ACYP2: variants seen among roughly 807,000 people sequenced by gnomAD.
The protein encoded by ACYP2 is acylphosphatase 2, also known as acylphosphatase-2.
ACYP2 carries 12 observed loss-of-function variants against 11.2 expected under a neutral mutation model. That is an observed-to-expected ratio of 1.08 (90% CI 0.69 to 1.74). The LOEUF (loss-of-function observed/expected upper bound fraction) is 1.74. ACYP2 is among the 40% of genes most tolerant of loss of function. The probability of loss-of-function intolerance (pLI) is 0.00; values close to 1 mark genes in which losing one functional copy is unlikely to be tolerated. For missense variants in ACYP2, 134 were observed against 101.9 expected (o/e 1.31, Z -1.35); for synonymous variants, 43 against 32.2 (o/e 1.33, Z -1.13).
At chr2:54,007,138 C>CAAAAAAAAAAAAAAAAAAAAAAAAA (rs70944145) in intron 2 of ACYP2, among the ~76,000 whole-genome samples, 2 of 52,206 alleles carry the variant, frequency 3.8e-5, no homozygotes, top group Non-Finnish European at 3.5e-5. Context: ...GACTCTGTGT[C>CAAAAAAAAAAAAAAAAAAAAAAAAA]AAAAAAAAAA....
intron 2 of ACYP2, among the ~76,000 whole-genome samples, chr2:54,045,036 C>A (rs1416315120): frequency 6.6e-6 from 1 of 152,136 alleles, no homozygotes; most frequent in Non-Finnish European, 1.5e-5. Context: ...CCCTAAAGTG[C>A]TTTATAGATA....
At chr2:54,109,575 A>T (rs530021832) in intron 4 of ACYP2, among the ~76,000 whole-genome samples, 2 of 152,316 alleles carry the variant, frequency 1.3e-5, no homozygotes, top group South Asian at 4.1e-4. Flanking sequence ...ACATAAATTT[A>T]AAAATAAAAA....
intron 4 of ACYP2, among the ~76,000 whole-genome samples, chr2:54,068,547 A>G (rs1168519515): frequency 6.6e-6 from 1 of 152,214 alleles, no homozygotes; most frequent in Non-Finnish European, 1.5e-5. Flanking sequence ...AGAAGCATAA[A>G]CTAGGTCCAA....
chr2:54,294,588 G>C (rs1689443867), intron 6 of ACYP2, among the ~76,000 whole-genome samples: 1 of 152,080 alleles, frequency 6.6e-6, no homozygotes, highest in Non-Finnish European at 1.5e-5. Flanking sequence ...CTTTGTGCAA[G>C]ATTATGTTGG....
intron 2 of ACYP2, among the ~76,000 whole-genome samples, chr2:54,030,863 T>A (rs1288410687): frequency 6.6e-6 from 1 of 152,220 alleles, no homozygotes. Flanking sequence ...AGTAGAAATA[T>A]AAACAAGTTC....
chr2:53,976,574 TCTG>T (rs1671504987), intron 2 of ACYP2, among the ~76,000 whole-genome samples: 1 of 152,214 alleles, frequency 6.6e-6, no homozygotes, highest in African/African-American at 2.4e-5. Flanking sequence ...TATCCAGACT[TCTG>T]CTGAATTGCA....
chr2:54,277,706 A>G lies in ACYP2; in HGVS notation c.405-26982A>G, dbSNP rs75859132. 9.5e-3 allele frequency among the ~76,000 whole-genome samples: 1,441 copies of G among 152,250 alleles called. 16 individuals are homozygous for G. The highest frequency in any genetic ancestry group is 0.032 in the African/African-American group (1,330 of 41,550). On this transcript the variant is annotated intron_variant, in intron 6 of 6. Transcript: ENST00000607452. The stretch of plus-strand genomic sequence containing the variant: ...AAAAAAAATGATTTCAATAATGAAA[A>G]TTGTTTTATAATTTCATGTGCTAGA...
chr2:54,296,800 A>C (rs1207543912), intron 6 of ACYP2, among the ~76,000 whole-genome samples: 2 of 152,232 alleles, frequency 1.3e-5, no homozygotes, highest in Non-Finnish European at 2.9e-5. Context: ...GACTTCTATC[A>C]ACAGAAGTTT....
chr2:54,281,492 G>A (rs1688847343), intron 6 of ACYP2, among the ~76,000 whole-genome samples: 2 of 152,158 alleles, frequency 1.3e-5, no homozygotes, highest in South Asian at 4.2e-4. Context: ...GATGTTGGTG[G>A]CTAGACAAGA....
At chr2:54,173,645 T>C (rs1434920044) in intron 6 of ACYP2, among the ~76,000 whole-genome samples, 2 of 152,192 alleles carry the variant, frequency 1.3e-5, no homozygotes, top group Non-Finnish European at 2.9e-5. Flanking sequence ...ATTGTCTAGG[T>C]TTTTTTCTAG....
intron 6 of ACYP2, among the ~76,000 whole-genome samples, chr2:54,146,923 T>A (rs1681920652): frequency 6.6e-6 from 1 of 151,820 alleles, no homozygotes; most frequent in Non-Finnish European, 1.5e-5. Context: ...GCCTCCTGAG[T>A]AGCAGGGATT....
intron 2 of ACYP2, among the ~76,000 whole-genome samples, chr2:54,014,373 G>T (rs9678301): frequency 0.082 from 12,517 of 151,890 alleles, 647 homozygotes; most frequent in African/African-American, 0.14. Context: ...CACCCAGGCT[G>T]CAGTGGCACG....
chr2:54,280,997 G>A (rs72910615), intron 6 of ACYP2, among the ~76,000 whole-genome samples: 14,722 of 152,108 alleles, frequency 0.097, 856 homozygotes, highest in Middle Eastern at 0.16. Context: ...AAGAAGAGGA[G>A]GAATTTATCT....
chr2:54,235,295 A>G (rs1553397327), intron 6 of ACYP2, among the ~76,000 whole-genome samples: 1 of 151,368 alleles, frequency 6.6e-6, no homozygotes, highest in Non-Finnish European at 1.5e-5. Flanking sequence ...TTTTTAATTA[A>G]GTTTTGGTTT....
At chr2:54,264,573 A>G (rs867072743) in intron 6 of ACYP2, among the ~76,000 whole-genome samples, 5 of 152,222 alleles carry the variant, frequency 3.3e-5, no homozygotes, top group Non-Finnish European at 5.9e-5. Flanking sequence ...ACTCACATGT[A>G]AAAAACAAGG....
intron 6 of ACYP2, among the ~76,000 whole-genome samples, chr2:54,243,889 A>G (rs925127012): frequency 2.6e-5 from 4 of 151,312 alleles, no homozygotes; most frequent in African/African-American, 9.7e-5. Context: ...AAACACTGTT[A>G]TGCTGTGTGT....
At chr2:54,033,872 A>C (rs568288862) in intron 2 of ACYP2, among the ~76,000 whole-genome samples, 1 of 152,350 alleles carries the variant, frequency 6.6e-6, no homozygotes, top group East Asian at 1.9e-4. Context: ...TTCTGAAAAG[A>C]GTTGGCTTCA....
At chr2:54,146,272 G>T (rs1013220122) in intron 6 of ACYP2, among the ~76,000 whole-genome samples, 2 of 152,174 alleles carry the variant, frequency 1.3e-5, no homozygotes, top group African/African-American at 4.8e-5. Context: ...AAGTTTGTCA[G>T]ATATTCCACT....
chr2:54,293,308 C>T (rs1256874219), intron 6 of ACYP2, among the ~76,000 whole-genome samples: 1 of 152,204 alleles, frequency 6.6e-6, no homozygotes, highest in Non-Finnish European at 1.5e-5. Context: ...TATGTGTTGA[C>T]CTAGAAGCTG....
Sources: gnomAD v4.1 joint callset for allele counts (sites outside exome capture counted in the v4.1 genomes callset) on GRCh38, gnomAD v4.1.1 for gene constraint, MANE v1.5 for transcripts, NCBI Gene and HGNC (gene_info 2026-07-23, HGNC 2026-07-21) for gene names.